Variants in SLC15A1 observed in about 807,000 individuals in gnomAD.
SLC15A1 encodes the protein Caco-2 oligopeptide transporter.
In SLC15A1, 83 loss-of-function variants were observed where a neutral mutation model predicts 92.9. The ratio of observed to expected loss-of-function variants is 0.89; its 90% confidence interval spans 0.75 to 1.07. The LOEUF is 1.07. Among genes scored for constraint, SLC15A1 ranks in the 50% least tolerant of loss-of-function variants. The pLI is 0.00. For missense variants in SLC15A1, 857 were observed against 880.1 expected, an observed-to-expected ratio of 0.97 and a Z score of 0.33; for synonymous variants, 322 against 318.2, an observed-to-expected ratio of 1.01 and a Z score of -0.13.
intron 15 of SLC15A1, 53 bp downstream of exon 15, chr13:98,708,633 G>A (rs1293368351): frequency 8.8e-6 from 13 of 1,468,942 alleles, no homozygotes; most frequent in South Asian, 3.6e-5. Flanking sequence ...GATTCTGAAC[G>A]CTCCACCTAA....
At chr13:98,715,003 A>C (rs2088202320) in intron 9 of SLC15A1, among the ~76,000 whole-genome samples, 1 of 152,182 alleles carries the variant, frequency 6.6e-6, no homozygotes, top group African/African-American at 2.4e-5. Context: ...ATTACTACAT[A>C]TTCCTTAAAA....
intron 18 of SLC15A1, among the ~76,000 whole-genome samples, chr13:98,690,223 C>T (rs2087964034): frequency 1.3e-5 from 2 of 152,228 alleles, no homozygotes; most frequent in Admixed American, 1.3e-4. Context: ...CAAGTTTCAT[C>T]AGTTTTGTGG....
In SLC15A1 at chr13:98,691,489, A is replaced by C. The variant is rs7981646; in HGVS notation, c.1467-2912T>G. ...CAAGTTTTTGTGTGGACATGTTTTC[A>C]TCTCTTCTGGGTGACACCTCACATG... On this transcript the variant is annotated intron_variant, in intron 18 of 22. Coordinates refer to ENST00000376503, the MANE Select transcript of SLC15A1 (RefSeq NM_005073.4). 5.6e-3 allele frequency among the ~76,000 whole-genome samples: 860 copies of C among 152,296 alleles called. 16 individuals are homozygous for C. The highest frequency in any genetic ancestry group is 0.019 in the African/African-American group (782 of 41,564).
chr13:98,696,170 T>C (rs1275093248), intron 18 of SLC15A1, among the ~76,000 whole-genome samples: 1 of 151,800 alleles, frequency 6.6e-6, no homozygotes, highest in Non-Finnish European at 1.5e-5. Flanking sequence ...TCCCAGCACT[T>C]TGGGAGGCTG....
chr13:98,717,262 T>C (rs1459943046), intron 8 of SLC15A1, among the ~76,000 whole-genome samples: 1 of 152,228 alleles, frequency 6.6e-6, no homozygotes, highest in African/African-American at 2.4e-5. Context: ...GATGTTTACT[T>C]ATATTCTTGC....
rs147584538 is a variant in SLC15A1 at position 98,691,129 on chromosome 13, C to T, written c.1467-2552G>A. Among the ~76,000 whole-genome samples the T allele has an allele frequency of 9.6e-4, 146 of 152,120 alleles. 1 individual carries two copies. The East Asian group carries it at 0.022, about 23-fold the overall frequency. ...TGCGATCTCGGCTCACTGCAACCTC[C>T]GCCTCCCAGGTTCAAGTGATTCTCC... is the stretch of plus-strand genomic sequence containing the variant. On this transcript the variant is annotated intron_variant, in intron 18 of 22. Coordinates refer to ENST00000376503, the MANE Select transcript of SLC15A1 (RefSeq NM_005073.4).
intron 18 of SLC15A1, among the ~76,000 whole-genome samples, chr13:98,696,957 A>G (rs925992218): frequency 3.9e-5 from 6 of 152,166 alleles, no homozygotes; most frequent in African/African-American, 1.4e-4. Context: ...GGAAGGTGGC[A>G]TTTACAAGCC....
At chr13:98,719,461 T>A in intron 7 of SLC15A1, 141 bp from the exon 8 acceptor site, 1 of 555,266 alleles carries the variant, frequency 1.8e-6, no homozygotes, top group Non-Finnish European at 3.2e-6. Flanking sequence ...ACTGACATAA[T>A]TGCCAGCTAA....
rs768866197 is a variant in SLC15A1 at position 98,721,082 on chromosome 13, A to G, written c.556+413T>C. 7.4e-5 allele frequency: 35 copies of G among 470,406 alleles called. No individual in the cohort carries two copies. The Middle Eastern group carries it at 2.0e-3, about 26-fold the overall frequency. 29.1% of individuals were successfully genotyped at this position (470,406 alleles called of 1,614,324 possible). A position where few individuals can be genotyped will look rare whatever the true frequency, so the allele number is the denominator to read the frequency against. On this transcript the variant is annotated intron_variant, in intron 7 of 22. Coordinates refer to ENST00000376503, the MANE Select transcript of SLC15A1 (RefSeq NM_005073.4). ...AAAACAAAACAAACAAAAAATCAAT[A>G]CAATTTTGCCCAGTAAACTCTTCCT...
chr13:98,723,117 C>T (rs1219796267), intron 5 of SLC15A1, among the ~76,000 whole-genome samples: 1 of 152,026 alleles, frequency 6.6e-6, no homozygotes, highest in East Asian at 1.9e-4. Flanking sequence ...AAAACTGAGG[C>T]TCAGAGAAGA....
chr13:98,707,621 A>G (rs1353614232), intron 15 of SLC15A1, among the ~76,000 whole-genome samples: 2 of 152,168 alleles, frequency 1.3e-5, no homozygotes, highest in African/African-American at 4.8e-5. Flanking sequence ...AAAATGGTTA[A>G]TATGTGACCG....
At chr13:98,696,579 A>C (rs16955752) in intron 18 of SLC15A1, among the ~76,000 whole-genome samples, 1,869 of 152,328 alleles carry the variant, frequency 0.012, 39 homozygotes, top group African/African-American at 0.043. Context: ...GGCGAAAGGG[A>C]AACTCCAGAG....
intron 9 of SLC15A1, among the ~76,000 whole-genome samples, chr13:98,713,147 C>T (rs552188337): frequency 1.2e-4 from 19 of 152,132 alleles, no homozygotes; most frequent in Admixed American, 2.0e-4. Context: ...GCCTTGACCT[C>T]CCAGACTCAA....
intron 1 of SLC15A1, among the ~76,000 whole-genome samples, chr13:98,728,131 A>G (rs571882654): frequency 3.3e-5 from 5 of 152,340 alleles, no homozygotes; most frequent in African/African-American, 1.2e-4. Flanking sequence ...TTCTTTTCCC[A>G]GTGTTTGTTC....
chr13:98,689,778 G>A (rs990731992), intron 18 of SLC15A1, among the ~76,000 whole-genome samples: 2 of 152,222 alleles, frequency 1.3e-5, no homozygotes, highest in African/African-American at 4.8e-5. Flanking sequence ...ATCCCCTTCA[G>A]AGGGTGGAGG....
At chr13:98,734,012 C>A (rs1335229441) in intron 1 of SLC15A1, among the ~76,000 whole-genome samples, 1 of 152,160 alleles carries the variant, frequency 6.6e-6, no homozygotes, top group East Asian at 1.9e-4. Flanking sequence ...GTTACCCAGG[C>A]TGGAGAGCAG....
chr13:98,749,204 G>A (rs1477670632), intron 1 of SLC15A1, among the ~76,000 whole-genome samples: 1 of 152,174 alleles, frequency 6.6e-6, no homozygotes, highest in African/African-American at 2.4e-5. Context: ...AGAATGTGGA[G>A]GGACGCACCA....
intron 15 of SLC15A1, among the ~76,000 whole-genome samples, chr13:98,707,464 A>G (rs1009624085): frequency 6.6e-6 from 1 of 152,184 alleles, no homozygotes; most frequent in African/African-American, 2.4e-5. Flanking sequence ...TAGACTCAGA[A>G]AGTAGAATGG....
intron 2 of SLC15A1, 169 bp downstream of exon 2, chr13:98,726,674 G>C: frequency 3.9e-6 from 3 of 768,380 alleles, no homozygotes; most frequent in South Asian, 1.6e-5. Context: ...GTCTGAGGAG[G>C]ATTATCCACA....
Sources: gnomAD v4.1 joint callset for allele counts (sites outside exome capture counted in the v4.1 genomes callset) on GRCh38, gnomAD v4.1.1 for gene constraint, MANE v1.5 for transcripts, NCBI Gene and HGNC (gene_info 2026-07-23, HGNC 2026-07-21) for gene names.